The following KIF13A variants were observed in gnomAD, a reference collection of about 807,000 sequenced individuals.
KIF13A encodes the protein kinesin-like protein KIF13A.
A neutral mutation model predicts 212.2 loss-of-function variants in KIF13A; 79 were observed. The observed-to-expected ratio is 0.37, with a 90% CI of 0.31 to 0.45. The LOEUF is 0.45. Ranked by LOEUF, KIF13A falls within the 20% of genes least tolerant of loss-of-function variation. KIF13A has a pLI of 1.00. For synonymous variants in KIF13A, 789 were observed against 808.6 expected, an observed-to-expected ratio of 0.98 and a Z score of 0.41; for missense variants, 1,901 against 2,209.0, an observed-to-expected ratio of 0.86 and a Z score of 2.79.
Position 17,764,519 on chromosome 6 carries a change from T to C in KIF13A, c.5009A>G (p.Lys1670Arg), listed in dbSNP as rs910852221. 6.2e-7 allele frequency: 1 copy of C among 1,614,050 alleles called. No individual in the cohort carries two copies. The highest frequency in any genetic ancestry group is 1.6e-4 in the Middle Eastern group (1 of 6,062). ...VKDKIIVVPL[K>R]ENSALAKGSP... is the part of the protein sequence containing the mutation. ...CCCTTTGGCTAAGGCACTGTTTTCC[T>C]TGAGTGGCACCACAATTATCTTGTC... is the stretch of plus-strand genomic sequence containing the variant. The change falls in exon 39 of 39, where the codon AAG becomes AGG. Residue 1670 changes from lysine (K) to arginine (R), a missense_variant. Physicochemically the swap from Lys to Arg is conservative, Grantham distance 26. Coordinates refer to ENST00000259711, the MANE Select transcript of KIF13A (RefSeq NM_022113.6). This position sits in a 1 kb window ranked among gnomAD's most constrained non-coding sequence, Gnocchi z 5.1.
intron 31 of KIF13A, 61 bp downstream of exon 31, chr6:17,780,667 TAG>T (rs1372427145): frequency 1.5e-5 from 23 of 1,489,514 alleles, no homozygotes; most frequent in Non-Finnish European, 1.6e-5. Context: ...TGCTTTGTGA[TAG>T]AGAGAGGGAA....
At position 17,828,296 on chromosome 6, in the gene KIF13A, A is replaced by G. The variant is rs1765150245; in HGVS notation, c.1476T>C (p.Cys492=). The G allele has an allele frequency of 6.2e-7, 1 of 1,610,348 alleles. No homozygotes were observed. Among genetic ancestry groups the G allele is most frequent in the South Asian group, 1.1e-5 (1 of 90,276 alleles). The change falls in exon 14 of 39, where the codon TGT becomes TGC. Residue 492 remains cysteine, a synonymous_variant. Transcript: ENST00000259711. The surrounding 1 kb of genome is among the most constrained non-coding windows in gnomAD (Gnocchi z 4.3). ...LFGIGIQPQH[C]EIDIASDGDV... is the part of the protein sequence containing the mutation. The stretch of plus-strand genomic sequence containing the variant: ...CTCCATCAGATGCAATGTCAATCTC[A>G]CAGTGCTGAGGCTGAATTCCTATGC...
chr6:17,939,732 A>C (rs1407972291), intron 2 of KIF13A, among the ~76,000 whole-genome samples: 1 of 152,182 alleles, frequency 6.6e-6, no homozygotes, highest in Non-Finnish European at 1.5e-5. Flanking sequence ...ATTATATGCT[A>C]ATTATAATTC....
chr6:17,904,757 T>C (rs751585182), intron 2 of KIF13A, among the ~76,000 whole-genome samples: 4 of 152,256 alleles, frequency 2.6e-5, no homozygotes, highest in African/African-American at 9.6e-5. Flanking sequence ...CTTAGAAGTT[T>C]GGTGGCCAAA....
At chr6:17,946,373 G>T (rs1220493383) in intron 2 of KIF13A, among the ~76,000 whole-genome samples, 1 of 151,288 alleles carries the variant, frequency 6.6e-6, no homozygotes, top group African/African-American at 2.4e-5. Context: ...ACTGGAAAAA[G>T]ATTTTGCATA....
At chr6:17,986,653 G>C (rs1581964318) in intron 2 of KIF13A, among the ~76,000 whole-genome samples, 1 of 152,256 alleles carries the variant, frequency 6.6e-6, no homozygotes, top group African/African-American at 2.4e-5. Flanking sequence ...CTGCAGTGAT[G>C]AAAAGAATCA....
chr6:17,973,397 T>C (rs1389003503), intron 2 of KIF13A, among the ~76,000 whole-genome samples: 2 of 152,258 alleles, frequency 1.3e-5, no homozygotes, highest in Non-Finnish European at 2.9e-5. Flanking sequence ...GACTTCATGC[T>C]GCTGCTTTAT....
In KIF13A at chr6:17,888,471, CCCATA is replaced by C. The variant is rs1444510128; in HGVS notation, c.159+9692_159+9696del. Among the ~76,000 whole-genome samples the C allele has an allele frequency of 6.6e-6, 1 of 152,106 alleles. No individual in the cohort carries two copies. The highest frequency in any genetic ancestry group is 2.4e-5 in the African/African-American group (1 of 41,428). On this transcript the variant is annotated intron_variant, in intron 3 of 38. Transcript: ENST00000259711. The surrounding 1 kb of genome is among the most constrained non-coding windows in gnomAD (Gnocchi z 4.8). Reference sequence around the variant, plus strand: ...TGGGTTTGATCTGAAACAGAGCTGTCCCATAGAAATATAATGCTAGCCATATAAAT... The same window carrying C: ...TGGGTTTGATCTGAAACAGAGCTGTCGAAATATAATGCTAGCCATATAAAT...
At chr6:17,958,070 T>C (rs1400170807) in intron 2 of KIF13A, among the ~76,000 whole-genome samples, 1 of 152,210 alleles carries the variant, frequency 6.6e-6, no homozygotes, top group East Asian at 1.9e-4. Context: ...AGCTTCAGTC[T>C]GATAAACTGA....
Position 17,900,946 on chromosome 6 carries a change from C to T in KIF13A, c.147-2766G>A, listed in dbSNP as rs979651677. On this transcript the variant is annotated intron_variant, in intron 2 of 38. Transcript: ENST00000259711. The surrounding 1 kb of genome is among the most constrained non-coding windows in gnomAD (Gnocchi z 4.6). The stretch of plus-strand genomic sequence containing the variant: ...ACAAAAAATTAGCCGGGCGTGGTGG[C>T]GGGTGCCTGTAGTCCCAGCTACTTG... 1.5e-4 allele frequency among the ~76,000 whole-genome samples: 23 copies of T among 151,774 alleles called. No individual in the cohort carries two copies. The highest frequency in any genetic ancestry group is 4.8e-4 in the African/African-American group (20 of 41,320).
In KIF13A at chr6:17,771,131, TGCTA is replaced by T; in HGVS notation, c.4560_4563del (p.Asn1520LysfsTer23). ...GAACTTACAATCTTCTTCTCACGTT[TGCTA>T]TTGTGTTCTACTGGCATGCTGCTGC... On this transcript the variant is annotated frameshift_variant, in exon 38 of 39. Coordinates refer to ENST00000259711, the MANE Select transcript of KIF13A (RefSeq NM_022113.6). LOFTEE classifies it low-confidence loss of function (END_TRUNC). This position sits in a 1 kb window ranked among gnomAD's most constrained non-coding sequence, Gnocchi z 5.4. The T allele has an allele frequency of 1.9e-6, 3 of 1,611,524 alleles. No individual in the cohort carries two copies. Among genetic ancestry groups the T allele is most frequent in the Non-Finnish European group, 2.5e-6 (3 of 1,178,158 alleles).
At chr6:17,841,471 ATC>A (rs1240983255) in intron 9 of KIF13A, among the ~76,000 whole-genome samples, 1 of 152,136 alleles carries the variant, frequency 6.6e-6, no homozygotes, top group East Asian at 1.9e-4. Context: ...TCTCTTGTTA[ATC>A]TGTCTTTGGC....
At chr6:17,833,558 T>C (rs2150375516) in intron 12 of KIF13A, among the ~76,000 whole-genome samples, 1 of 144,358 alleles carries the variant, frequency 6.9e-6, no homozygotes, top group East Asian at 2.2e-4. Context: ...AAAAGGGCCC[T>C]TAAAAGACTT....
At chr6:17,804,318 A>T (rs1341768944) in intron 20 of KIF13A, 43 bp downstream of exon 20, 2 of 1,453,812 alleles carry the variant, frequency 1.4e-6, no homozygotes, top group East Asian at 5.1e-5. Context: ...ACAAAACAAA[A>T]AACTTGAACC....
chr6:17,938,484 C>T (rs1344856668), intron 2 of KIF13A, among the ~76,000 whole-genome samples: 1 of 152,142 alleles, frequency 6.6e-6, no homozygotes, highest in Non-Finnish European at 1.5e-5. Context: ...ACGGGGACAC[C>T]ATCTACCCTC....
chr6:17,778,320 C>T (rs1344748396), intron 33 of KIF13A, among the ~76,000 whole-genome samples: 1 of 152,170 alleles, frequency 6.6e-6, no homozygotes, highest in Non-Finnish European at 1.5e-5. Flanking sequence ...TGCAGCAATT[C>T]AGGTGGGATT....
chr6:17,759,518 T>C (rs1272270204), downstream of KIF13A: 2 of 152,210 alleles, frequency 1.3e-5, no homozygotes, highest in East Asian at 3.9e-4. Flanking sequence ...ATTCTCTCTC[T>C]CTTGCTCTCA....
chr6:17,915,342 C>T lies in KIF13A; in HGVS notation c.147-17162G>A, dbSNP rs931839096. ...GCTTAAGCTCTCAGTGCCTCAGTTACCTCACCTGTCAAATAGAGCTGGTGT... is the reference window on the plus strand; with the variant it reads ...GCTTAAGCTCTCAGTGCCTCAGTTATCTCACCTGTCAAATAGAGCTGGTGT... On this transcript the variant is annotated intron_variant, in intron 2 of 38. Transcript: ENST00000259711. The surrounding 1 kb of genome is among the most constrained non-coding windows in gnomAD (Gnocchi z 4.4). 1.3e-5 allele frequency among the ~76,000 whole-genome samples: 2 copies of T among 152,174 alleles called. No homozygotes were observed. Among genetic ancestry groups the T allele is most frequent in the Non-Finnish European group, 2.9e-5 (2 of 68,032 alleles).
Position 17,789,584 on chromosome 6 carries a change from T to C in KIF13A, c.3261+288A>G, listed in dbSNP as rs982868256. ...AGTTTTATTATTACTCAAATCAGTC[T>C]CCAGATCATCCATTTTAATACAGTG... On this transcript the variant is annotated intron_variant, in intron 26 of 38. Transcript: ENST00000259711. This position sits in a 1 kb window ranked among gnomAD's most constrained non-coding sequence, Gnocchi z 4.8. Among the ~76,000 whole-genome samples, 1 of 152,112 alleles carries C rather than the reference T, an allele frequency of 6.6e-6. No homozygotes were observed. The highest frequency in any genetic ancestry group is 2.4e-5 in the African/African-American group (1 of 41,416).
Sources: gnomAD v4.1 joint callset for allele counts (sites outside exome capture counted in the v4.1 genomes callset) on GRCh38, gnomAD v4.1.1 for gene constraint, Gnocchi (gnomAD v3.1) non-coding constraint, MANE v1.5 for transcripts, NCBI Gene and HGNC (gene_info 2026-07-23, HGNC 2026-07-21) for gene names.